SRGAP2C: variants seen among roughly 807,000 people sequenced by gnomAD.
SRGAP2C encodes the protein SLIT-ROBO Rho GTPase-activating protein 2C.
Under a neutral mutation model 25.1 loss-of-function variants are expected in SRGAP2C, and 15 were observed. That is an observed-to-expected ratio of 0.60 (90% CI 0.40 to 0.92). SRGAP2C has a LOEUF of 0.92. Among genes scored for constraint, SRGAP2C ranks in the 40% least tolerant of loss-of-function variants. The pLI is 0.00. For synonymous variants in SRGAP2C, 44 were observed against 96.6 expected (o/e 0.46, Z 3.19); for missense variants, 144 against 264.4 (o/e 0.54, Z 3.16).
At chr1:121,223,793 G>A (rs1358710940) in intron 2 of SRGAP2C, among the ~76,000 whole-genome samples, 1 of 78,150 alleles carries the variant, frequency 1.3e-5, no homozygotes, top group South Asian at 5.3e-4. Context: ...CCAGTTAGAG[G>A]CAGACTTTAG....
intron 4 of SRGAP2C, among the ~76,000 whole-genome samples, chr1:121,355,570 A>G (rs1462784209): frequency 7.4e-6 from 1 of 135,046 alleles, no homozygotes; most frequent in African/African-American, 2.8e-5. Flanking sequence ...CGGCCTCCCA[A>G]AGTGCTGGGA....
chr1:121,284,664 G>A, intron 2 of SRGAP2C, 139 bp from the exon 3 acceptor site: 1 of 354,442 alleles, frequency 2.8e-6, no homozygotes, highest in Non-Finnish European at 4.7e-6. Flanking sequence ...GGCCAGTTTA[G>A]ACTTTAGGCT....
At chr1:121,282,809 C>T (rs1307652140) in intron 2 of SRGAP2C, among the ~76,000 whole-genome samples, 5 of 148,690 alleles carry the variant, frequency 3.4e-5, no homozygotes, top group African/African-American at 7.4e-5. Context: ...CCGCCCGCCT[C>T]GGCCTCCCAA....
At position 121,206,419 on chromosome 1, in the gene SRGAP2C, T is replaced by C. The variant is rs1336676289; in HGVS notation, c.67+18906T>C. ...TAAGATCGAAGTGGATAGTTTTTGATGACCTTGAAGATCAGCCAGAGTCTG... is the reference window on the plus strand; with the variant it reads ...TAAGATCGAAGTGGATAGTTTTTGACGACCTTGAAGATCAGCCAGAGTCTG... On this transcript the variant is annotated intron_variant, in intron 2 of 9. Coordinates refer to ENST00000367123, the MANE Select transcript of SRGAP2C (RefSeq NM_001329984.2). Among the ~76,000 whole-genome samples the C allele has an allele frequency of 3.3e-5, 5 of 152,320 alleles. No homozygotes were observed. The East Asian group carries it at 9.6e-4, about 29-fold the overall frequency.
chr1:121,237,416 G>A (rs587631667), intron 2 of SRGAP2C, among the ~76,000 whole-genome samples: 41 of 152,306 alleles, frequency 2.7e-4, no homozygotes, highest in African/African-American at 8.7e-4. Context: ...ACTCAGAGTA[G>A]CGTGTAGAGT....
chr1:121,285,377 C>A (rs1340683254), intron 3 of SRGAP2C, among the ~76,000 whole-genome samples: 1 of 124,118 alleles, frequency 8.1e-6, no homozygotes, highest in Admixed American at 8.5e-5. Context: ...AACTCAGGGT[C>A]TATCTTAATC....
rs2101349131 is a variant in SRGAP2C at position 121,185,058 on chromosome 1, G to A, written c.-609G>A. ...CTGCGTAGAAACGGGTGGCGGGGAA[G>A]AGAGGGGAGGAGAGCTCTGAGTGGG... On this transcript the variant is annotated 5_prime_UTR_variant, in exon 1 of 10. Coordinates refer to ENST00000367123, the MANE Select transcript of SRGAP2C (RefSeq NM_001329984.2). 4.0e-6 allele frequency: 2 copies of A among 500,144 alleles called. 1 individual carries two copies. Among genetic ancestry groups the A allele is most frequent in the African/African-American group, 4.4e-5 (2 of 45,552 alleles). 31.0% of individuals were successfully genotyped at this position (500,144 alleles called of 1,614,324 possible).
chr1:121,315,692 G>A (rs1313257222), intron 3 of SRGAP2C, among the ~76,000 whole-genome samples: 3 of 139,916 alleles, frequency 2.1e-5, no homozygotes, highest in Non-Finnish European at 4.6e-5. Flanking sequence ...CACTGGAGCA[G>A]CTGATTTGGC....
chr1:121,190,206 TG>T (rs1277130448), intron 2 of SRGAP2C, among the ~76,000 whole-genome samples: 3 of 151,838 alleles, frequency 2.0e-5, no homozygotes, highest in Non-Finnish European at 4.4e-5. Flanking sequence ...GTCAGCTTTT[TG>T]TGTGTTATAT....
chr1:121,360,913 G>A (rs1411889737), intron 4 of SRGAP2C: 2 of 148,874 alleles, frequency 1.3e-5, no homozygotes, highest in African/African-American at 5.0e-5. Context: ...GATAGTAGTG[G>A]TTGTTGGGGA....
intron 2 of SRGAP2C, among the ~76,000 whole-genome samples, chr1:121,239,125 C>T (rs1290841460): frequency 9.9e-6 from 1 of 101,496 alleles, no homozygotes; most frequent in Non-Finnish European, 1.9e-5. Context: ...TCTCTGCCCT[C>T]ATGGAGCTTA....
At chr1:121,211,387 A>G (rs1570707927) in intron 2 of SRGAP2C, among the ~76,000 whole-genome samples, 2 of 142,878 alleles carry the variant, frequency 1.4e-5, no homozygotes, top group South Asian at 4.6e-4. Context: ...TTCTGGTTAC[A>G]TGTTGAGAGA....
At chr1:121,308,541 T>A (rs1657902413) in intron 3 of SRGAP2C, among the ~76,000 whole-genome samples, 1 of 149,766 alleles carries the variant, frequency 6.7e-6, no homozygotes, top group Non-Finnish European at 1.5e-5. Context: ...TTTGGGAGGC[T>A]GAGGTGGGAG....
chr1:121,201,375 T>C (rs1308202025), intron 2 of SRGAP2C, among the ~76,000 whole-genome samples: 2 of 146,286 alleles, frequency 1.4e-5, no homozygotes, highest in Non-Finnish European at 3.0e-5. Flanking sequence ...GTTACTTCTT[T>C]CTAAGAGTGA....
At chr1:121,239,816 C>G (rs1558091097) in intron 2 of SRGAP2C, among the ~76,000 whole-genome samples, 2 of 152,240 alleles carry the variant, frequency 1.3e-5, no homozygotes, top group Non-Finnish European at 2.9e-5. Flanking sequence ...ACATATGGCC[C>G]AGAAGCCTAA....
At chr1:121,211,458 C>CACACACACACACACAT (rs1553323708) in intron 2 of SRGAP2C, among the ~76,000 whole-genome samples, 1 of 139,384 alleles carries the variant, frequency 7.2e-6, no homozygotes, top group Admixed American at 7.3e-5. Context: ...CACACACACA[C>CACACACACACACACAT]ACATCTTACC....
rs587601331 is a variant in SRGAP2C at position 121,268,770 on chromosome 1, A to G, written c.68-16033A>G. ...GGGGTGTGGTCAGGATGGGGTGTCA[A>G]GAGTTCAGGTTCGGGCATGTTAAGT... On this transcript the variant is annotated intron_variant, in intron 2 of 9. Transcript: ENST00000367123. 3.7e-4 allele frequency among the ~76,000 whole-genome samples: 39 copies of G among 104,118 alleles called. 2 individuals carry two copies. The highest frequency in any genetic ancestry group is 9.9e-4 in the African/African-American group (36 of 36,214). 68.3% of individuals were successfully genotyped at this position (104,118 alleles called of 152,430 possible).
At chr1:121,303,530 G>C (rs1657745559) in intron 3 of SRGAP2C, among the ~76,000 whole-genome samples, 3 of 151,370 alleles carry the variant, frequency 2.0e-5, no homozygotes, top group African/African-American at 7.3e-5. Flanking sequence ...CATTTTTTCA[G>C]AGAGCCTCGG....
At chr1:121,264,672 A>G (rs1656720604) in intron 2 of SRGAP2C, among the ~76,000 whole-genome samples, 1 of 151,602 alleles carries the variant, frequency 6.6e-6, no homozygotes, top group Admixed American at 6.6e-5. Flanking sequence ...CTTTACATCT[A>G]GCTCCTCTGC....
Sources: gnomAD v4.1 joint callset for allele counts (sites outside exome capture counted in the v4.1 genomes callset) on GRCh38, gnomAD v4.1.1 for gene constraint, MANE v1.5 for transcripts, NCBI Gene and HGNC (gene_info 2026-07-23, HGNC 2026-07-21) for gene names.